PRKAG3: variants seen among roughly 807,000 people sequenced by gnomAD.
PRKAG3 encodes protein kinase AMP-activated non-catalytic subunit gamma 3, also known as 5'-AMP-activated protein kinase subunit gamma-3.
In PRKAG3, 39 loss-of-function variants were observed where a neutral mutation model predicts 56.5. That is an observed-to-expected ratio of 0.69 (90% CI 0.53 to 0.90). PRKAG3 has a LOEUF of 0.90. Ranked by LOEUF, PRKAG3 falls within the 40% of genes least tolerant of loss-of-function variation. The pLI is 0.00. For synonymous variants in PRKAG3, 243 were observed against 250.1 expected (o/e 0.97, Z 0.27); for missense variants, 628 against 627.5 (o/e 1.00, Z -0.01).
chr2:218,829,891 A>G (rs954302717), intron 4 of PRKAG3, 87 bp downstream of exon 4: 2 of 1,547,828 alleles, frequency 1.3e-6, no homozygotes, highest in African/African-American at 2.7e-5. Flanking sequence ...CACCTGGCTC[A>G]GCAGGGCATC....
rs533971310 is a variant in PRKAG3, at chr2:218,827,408, C to T, written c.876-35G>A. The T allele has an allele frequency of 2.5e-6, 4 of 1,613,868 alleles. No individual in the cohort carries two copies. The African/African-American group carries it at 5.3e-5, about 22-fold the overall frequency. ...TGGGAGCAGTGAGCCTCGGGGCAGC[C>T]TAGGGAGAGACAACCTCCATCCCAG... On this transcript the variant is annotated intron_variant, in intron 8 of 12. Transcript: ENST00000529249. The surrounding 1 kb of genome is among the most constrained non-coding windows in gnomAD (Gnocchi z 5.3).
chr2:218,823,879 C>T lies in PRKAG3; in HGVS notation c.1354-1G>A. 6.2e-7 allele frequency: 1 copy of T among 1,613,796 alleles called. No individual in the cohort carries two copies. Among genetic ancestry groups the T allele is most frequent in the Non-Finnish European group, 8.5e-7 (1 of 1,179,804 alleles). On this transcript the variant is annotated splice_acceptor_variant, in intron 12 of 12. Coordinates refer to ENST00000529249, the Ensembl canonical transcript of PRKAG3. LOFTEE classifies it high-confidence loss of function. ...CGTCCACTAGCACCAGCCTGTGTAC[C>T]TGTGGGTCCGCAATGTTCAGTGAGG...
exon 13 of PRKAG3, chr2:218,823,419 G>A (rs1361650695): frequency 2.0e-5 from 7 of 346,426 alleles, no homozygotes; most frequent in East Asian, 7.0e-5. Context: ...AAGTCACATC[G>A]CAGCCTTAGC....
chr2:218,829,904 G>T, intron 4 of PRKAG3, 74 bp downstream of exon 4: 1 of 1,579,680 alleles, frequency 6.3e-7, no homozygotes, highest in Non-Finnish European at 8.6e-7. Flanking sequence ...AGGGCATCCT[G>T]CAGGGTGGGA....
chr2:218,825,775 T>G (rs1943923235), intron 10 of PRKAG3, among the ~76,000 whole-genome samples: 1 of 151,394 alleles, frequency 6.6e-6, no homozygotes, highest in African/African-American at 2.4e-5. Context: ...TTTTTTTTTT[T>G]TTTTTGGAGT....
intron 12 of PRKAG3, 106 bp downstream of exon 12, chr2:218,824,115 GA>G (rs2105985368): frequency 8.3e-6 from 13 of 1,567,378 alleles, no homozygotes; most frequent in Non-Finnish European, 1.1e-5. Flanking sequence ...AGTTGGTCAT[GA>G]AATGGAAGGA....
At chr2:218,823,938 G>T in intron 12 of PRKAG3, 60 bp from the exon 13 acceptor site, 1 of 1,526,880 alleles carries the variant, frequency 6.5e-7, no homozygotes, top group Non-Finnish European at 9.1e-7. Flanking sequence ...AGCTACTGAG[G>T]TTGGTGCCAA....
chr2:218,824,690 G>T, intron 10 of PRKAG3, 114 bp from the exon 11 acceptor site: 1 of 926,728 alleles, frequency 1.1e-6, no homozygotes, highest in Non-Finnish European at 1.8e-6. Context: ...GCCACTACCA[G>T]AACCCAAGGA....
exon 13 of PRKAG3, chr2:218,823,453 C>A (rs1261280153): frequency 1.0e-5 from 4 of 398,260 alleles, no homozygotes; most frequent in African/African-American, 6.2e-5. Flanking sequence ...TTTGTCCCTC[C>A]CTTCTAGGAC....
Position 218,823,892 on chromosome 2 carries a change from A to G in PRKAG3, c.1354-14T>C. 2 of 1,611,570 alleles carry G rather than the reference A, an allele frequency of 1.2e-6. No individual in the cohort carries two copies. The highest frequency in any genetic ancestry group is 1.1e-5 in the South Asian group (1 of 91,016). On this transcript the variant is annotated splice_polypyrimidine_tract_variant and intron_variant, in intron 12 of 12. Coordinates refer to ENST00000529249, the Ensembl canonical transcript of PRKAG3. ...CAGCCTGTGTACCTGTGGGTCCGCA[A>G]TGTTCAGTGAGGGGGCAGAGCCATG...
chr2:218,825,636 A>G (rs1943921061), intron 10 of PRKAG3, among the ~76,000 whole-genome samples: 1 of 152,032 alleles, frequency 6.6e-6, no homozygotes, highest in Non-Finnish European at 1.5e-5. Flanking sequence ...TGACAGAGGG[A>G]GACTCCATCC....
chr2:218,831,345 C>T (rs755291202), exon 2 of PRKAG3: 5 of 1,600,600 alleles, frequency 3.1e-6, no homozygotes, highest in East Asian at 2.2e-5. Flanking sequence ...CCTTGATGCT[C>T]AGAACCCCCA....
rs757526730 is a variant in PRKAG3 at position 218,827,259 on chromosome 2, G to A, written c.990C>T (p.Phe330=). Residue 330 remains phenylalanine (F), a synonymous_variant, in exon 9 of 13, where the codon TTC becomes TTT. Coordinates refer to ENST00000529249, the Ensembl canonical transcript of PRKAG3. The surrounding 1 kb of genome is among the most constrained non-coding windows in gnomAD (Gnocchi z 5.3). ...GGCCCAGGCTTACAAAGATGTGCAG[G>A]AACTTGAGCAGGCGTTTGTGTGTGA... 18 of 1,614,090 alleles carry A rather than the reference G, an allele frequency of 1.1e-5. No individual in the cohort carries two copies. The Admixed American group carries it at 2.3e-4, about 21-fold the overall frequency.
At chr2:218,823,577 G>T in exon 13 of PRKAG3, 1 of 1,314,270 alleles carries the variant, frequency 7.6e-7, no homozygotes. Flanking sequence ...TCCTCAGGGT[G>T]TCCCAATCTG....
At chr2:218,830,335 T>C in exon 4 of PRKAG3, 5 of 1,609,816 alleles carry the variant, frequency 3.1e-6, no homozygotes, top group Non-Finnish European at 4.2e-6. Flanking sequence ...TCTTGGGGAA[T>C]GTGGCCTCCA....
chr2:218,831,299 A>T, intron 2 of PRKAG3, 37 bp downstream of exon 2: 2 of 1,513,668 alleles, frequency 1.3e-6, no homozygotes, highest in South Asian at 1.3e-5. Context: ...GAGGTGGGGG[A>T]AGAGGTTAGG....
chr2:218,825,567 G>C (rs1943920110), intron 10 of PRKAG3, among the ~76,000 whole-genome samples: 2 of 141,992 alleles, frequency 1.4e-5, no homozygotes, highest in Non-Finnish European at 2.9e-5. Context: ...AGAATCACTT[G>C]AACTCGGGAG....
chr2:218,824,164 G>C, intron 12 of PRKAG3, 58 bp downstream of exon 12: 5 of 1,612,930 alleles, frequency 3.1e-6, no homozygotes, highest in Non-Finnish European at 4.2e-6. Flanking sequence ...GGCTGGAGCC[G>C]TGCATGAGAA....
chr2:218,822,994 A>G (rs533686984), downstream of PRKAG3: 136 of 984,810 alleles, frequency 1.4e-4, 1 homozygote, highest in South Asian at 6.0e-3. Flanking sequence ...CCTTAATTTC[A>G]TCATCCCATG....
Sources: allele counts gnomAD v4.1 joint callset (sites outside exome capture counted in the v4.1 genomes callset), GRCh38; gene constraint gnomAD v4.1.1; non-coding constraint Gnocchi (gnomAD v3.1); transcripts MANE v1.5; gene names NCBI Gene and HGNC (gene_info 2026-07-23, HGNC 2026-07-21).